The following CDCP1 variants were observed in gnomAD, a reference collection of about 807,000 sequenced individuals.
CDCP1 encodes the protein CUB domain containing protein 1.
Under a neutral mutation model 60.2 loss-of-function variants are expected in CDCP1, and 29 were observed. That is an observed-to-expected ratio of 0.48 (90% CI 0.36 to 0.66). The LOEUF (loss-of-function observed/expected upper bound fraction) is 0.66, where lower values mean the gene tolerates loss of function less well. CDCP1 is among the 30% of genes least tolerant of loss of function. CDCP1 has a pLI of 0.00. For synonymous variants in CDCP1, 387 were observed against 431.1 expected, an observed-to-expected ratio of 0.90 and a Z score of 1.27; for missense variants, 876 against 1,074.3, an observed-to-expected ratio of 0.82 and a Z score of 2.58.
At chr3:45,093,711 TC>T in intron 5 of CDCP1, 54 bp from the exon 6 acceptor site, 1 of 1,544,646 alleles carries the variant, frequency 6.5e-7, no homozygotes. Context: ...AAGTGCACCC[TC>T]CCCAGCTCTC....
rs982058366 is a variant in CDCP1, at chr3:45,140,938, C to G, written c.82+5268G>C. 2.0e-5 allele frequency among the ~76,000 whole-genome samples: 3 copies of G among 152,314 alleles called. No homozygotes were observed. The East Asian group carries it at 5.8e-4, about 29-fold the overall frequency. On this transcript the variant is annotated intron_variant, in intron 1 of 8. Coordinates refer to ENST00000296129, the MANE Select transcript of CDCP1 (RefSeq NM_022842.5). ...GGATCTGGCTGGGCGTGGTGGCTCA[C>G]GCCTATAATTCCAGCACTTTGGCAG... is the stretch of plus-strand genomic sequence containing the variant.
At chr3:45,102,264 T>A (rs1034588592) in intron 4 of CDCP1, among the ~76,000 whole-genome samples, 5 of 151,520 alleles carry the variant, frequency 3.3e-5, no homozygotes, top group Non-Finnish European at 5.9e-5. Context: ...AGAGATGGGG[T>A]TTCACCATGT....
Position 45,095,387 on chromosome 3 carries a change from A to G in CDCP1, c.1206T>C (p.Asp402=), listed in dbSNP as rs149246075. ...CATTCATCCACAGACGTGTCAGATCATCACAAAGGAAGGAGATTTTGTGTT... is the reference window on the plus strand; with the variant it reads ...CATTCATCCACAGACGTGTCAGATCGTCACAAAGGAAGGAGATTTTGTGTT... ...GSKHKISFLC[D]DLTRLWMNVE... Residue 402 remains aspartate, a synonymous_variant, in exon 5 of 9, where the codon GAT becomes GAC. Coordinates refer to ENST00000296129, the MANE Select transcript of CDCP1 (RefSeq NM_022842.5). 2.5e-6 allele frequency: 4 copies of G among 1,614,112 alleles called. No individual in the cohort carries two copies. Among genetic ancestry groups the G allele is most frequent in the Non-Finnish European group, 3.4e-6 (4 of 1,180,046 alleles).
chr3:45,118,693 A>T (rs1452709675), intron 1 of CDCP1, 72 bp from the exon 2 acceptor site: 34 of 1,247,894 alleles, frequency 2.7e-5, no homozygotes, highest in African/African-American at 5.9e-5. Flanking sequence ...CCCGACCCCA[A>T]TCTGGTTCAG....
intron 1 of CDCP1, among the ~76,000 whole-genome samples, chr3:45,140,784 A>C (rs1328841315): frequency 6.6e-6 from 1 of 152,254 alleles, no homozygotes; most frequent in Non-Finnish European, 1.5e-5. Flanking sequence ...CATCTATGAA[A>C]GTTATTTTTG....
Position 45,089,097 on chromosome 3 carries a change from G to C in CDCP1, c.2038C>G (p.Leu680Val). Reference sequence around the variant, plus strand: ...ATGATGAGCCCGAGGGCAGACAGCAGTAAGACTCCACCTCCCACCGCTGCG... The same window carrying C: ...ATGATGAGCCCGAGGGCAGACAGCACTAAGACTCCACCTCCCACCGCTGCG... Reference protein sequence around the residue: ...LIAAVGGGVLLLSALGLIICC... With the variant: ...LIAAVGGGVLVLSALGLIICC... Residue 680 changes from leucine to valine, a missense_variant, in exon 8 of 9, where the codon CTG becomes GTG. By Grantham distance (32) the Leu-to-Val change is conservative. Transcript: ENST00000296129. 1 of 1,614,090 alleles carries C rather than the reference G, an allele frequency of 6.2e-7. No individual in the cohort carries two copies. Among genetic ancestry groups the C allele is most frequent in the East Asian group, 2.2e-5 (1 of 44,872 alleles).
chr3:45,103,066 T>C (rs1242475577), intron 4 of CDCP1, among the ~76,000 whole-genome samples: 1 of 152,142 alleles, frequency 6.6e-6, no homozygotes, highest in Admixed American at 6.5e-5. Context: ...ATTGTATCAA[T>C]CACCCAAAGA....
intron 1 of CDCP1, among the ~76,000 whole-genome samples, chr3:45,145,123 T>C (rs1182331090): frequency 6.6e-6 from 1 of 152,160 alleles, no homozygotes; most frequent in Non-Finnish European, 1.5e-5. Flanking sequence ...CTTATATTGA[T>C]ATTTTAGAAG....
At chr3:45,087,213 A>G (rs545944044) in intron 8 of CDCP1, among the ~76,000 whole-genome samples, 1 of 152,308 alleles carries the variant, frequency 6.6e-6, no homozygotes, top group East Asian at 1.9e-4. Flanking sequence ...GACACTCAGG[A>G]AGTACCCGCT....
In CDCP1 at chr3:45,124,489, G is replaced by A. The variant is rs114749263; in HGVS notation, c.83-5868C>T. Among the ~76,000 whole-genome samples, 678 of 152,260 alleles carry A rather than the reference G, an allele frequency of 4.5e-3. 2 individuals carry two copies. Among genetic ancestry groups the A allele is most frequent in the African/African-American group, 0.015 (621 of 41,566 alleles). ...GGAGATACATATTAAGATGCATGGT[G>A]CCCTGGAGGAGTGCCCAGGATGCCA... On this transcript the variant is annotated intron_variant, in intron 1 of 8. Coordinates refer to ENST00000296129, the MANE Select transcript of CDCP1 (RefSeq NM_022842.5).
At chr3:45,130,826 G>T (rs1699078651) in intron 1 of CDCP1, among the ~76,000 whole-genome samples, 1 of 152,072 alleles carries the variant, frequency 6.6e-6, no homozygotes, top group Non-Finnish European at 1.5e-5. Context: ...GAAACCAATA[G>T]TATATTTACA....
intron 6 of CDCP1, among the ~76,000 whole-genome samples, chr3:45,092,723 CGTT>C (rs1158050478): frequency 6.6e-6 from 1 of 152,170 alleles, no homozygotes; most frequent in Non-Finnish European, 1.5e-5. Context: ...GTAGAAGTCA[CGTT>C]GTGAGCCATT....
chr3:45,083,421 A>T lies in CDCP1; in HGVS notation c.*2217T>A, dbSNP rs1698135175. ...TCCTTTCATTTATGCCATGTGAACA[A>T]GTTGAGGCGGTGCATTTCCAAGGTG... On this transcript the variant is annotated 3_prime_UTR_variant, in exon 9 of 9. Transcript: ENST00000296129. 6.6e-6 allele frequency: 1 copy of T among 152,226 alleles called. No individual in the cohort carries two copies. Among genetic ancestry groups the T allele is most frequent in the Non-Finnish European group, 1.5e-5 (1 of 68,038 alleles). The allele number at this position is 152,226 out of a possible 1,614,324, so 9.4% of individuals were successfully genotyped here.
chr3:45,108,835 A>T lies in CDCP1; in HGVS notation c.1024+1638T>A, dbSNP rs954815405. 3.9e-4 allele frequency among the ~76,000 whole-genome samples: 26 copies of T among 66,334 alleles called. 2 individuals are homozygous for T. The highest frequency in any genetic ancestry group is 1.5e-3 in the African/African-American group (25 of 16,880). The allele number at this position is 66,334 out of a possible 152,430, so 43.5% of individuals were successfully genotyped here. A position where few individuals can be genotyped will look rare whatever the true frequency, so the allele number is the denominator to read the frequency against. On this transcript the variant is annotated intron_variant, in intron 4 of 8. Coordinates refer to ENST00000296129, the MANE Select transcript of CDCP1 (RefSeq NM_022842.5). ...TGTATACATATATATGCATGTATAT[A>T]TATATATGCATGTATACATATATAT... is the stretch of plus-strand genomic sequence containing the variant.
intron 2 of CDCP1, among the ~76,000 whole-genome samples, chr3:45,117,776 T>A (rs12497512): frequency 0.97 from 147,065 of 152,128 alleles, 71,153 homozygotes; most frequent in South Asian, 0.98. Flanking sequence ...TTTGTGTTTT[T>A]AGTAGAGACA....
In CDCP1 at chr3:45,085,593, T is replaced by G. The variant is rs368858499; in HGVS notation, c.*45A>C. On this transcript the variant is annotated 3_prime_UTR_variant, in exon 9 of 9. Transcript: ENST00000296129. This position sits in a 1 kb window ranked among gnomAD's most constrained non-coding sequence, Gnocchi z 4.2. ...TTAGGAACACGGACGGGTGTCTCAG[T>G]GCCCTGCTTTATGAAACTCAGCAAA... 6.4e-7 allele frequency: 1 copy of G among 1,551,426 alleles called. No homozygotes were observed. The highest frequency in any genetic ancestry group is 8.8e-7 in the Non-Finnish European group (1 of 1,141,428).
intron 1 of CDCP1, among the ~76,000 whole-genome samples, chr3:45,138,433 G>A (rs1452538764): frequency 6.6e-6 from 1 of 152,224 alleles, no homozygotes; most frequent in Non-Finnish European, 1.5e-5. Context: ...TTTGGCCCAG[G>A]TTGTCTGCCT....
At chr3:45,136,690 C>G (rs531732180) in intron 1 of CDCP1, among the ~76,000 whole-genome samples, 5 of 152,340 alleles carry the variant, frequency 3.3e-5, no homozygotes, top group African/African-American at 1.2e-4. Context: ...TCTACACAAC[C>G]ACATTCTTGC....
intron 1 of CDCP1, among the ~76,000 whole-genome samples, chr3:45,127,559 G>A (rs945649785): frequency 6.6e-6 from 1 of 152,208 alleles, no homozygotes; most frequent in Non-Finnish European, 1.5e-5. Flanking sequence ...GGGAAAATCC[G>A]ATGCAAGTTT....
Sources: gnomAD v4.1 joint callset for allele counts (sites outside exome capture counted in the v4.1 genomes callset) on GRCh38, gnomAD v4.1.1 for gene constraint, Gnocchi (gnomAD v3.1) non-coding constraint, MANE v1.5 for transcripts, NCBI Gene and HGNC (gene_info 2026-07-23, HGNC 2026-07-21) for gene names.